Variants in SPAG16 observed in about 807,000 individuals in gnomAD.
SPAG16 encodes the protein sperm-associated antigen 16 protein.
Under a neutral mutation model 80.4 loss-of-function variants are expected in SPAG16, and 86 were observed. That is an observed-to-expected ratio of 1.07 (90% CI 0.90 to 1.28). The LOEUF (loss-of-function observed/expected upper bound fraction) is 1.28. Among genes scored for constraint, SPAG16 ranks in the 50% most tolerant of loss-of-function variants. SPAG16 has a pLI of 0.00. For missense variants in SPAG16, 870 were observed against 765.3 expected (o/e 1.14, Z -1.61); for synonymous variants, 294 against 265.9 (o/e 1.11, Z -1.03).
intron 15 of SPAG16, among the ~76,000 whole-genome samples, chr2:214,219,597 T>C (rs1355073714): frequency 6.6e-6 from 1 of 152,084 alleles, no homozygotes; most frequent in African/African-American, 2.4e-5. Context: ...AACAAGATAA[T>C]TTATTGAGTA....
chr2:213,399,919 A>T (rs1394414614), intron 9 of SPAG16, among the ~76,000 whole-genome samples: 1 of 152,054 alleles, frequency 6.6e-6, no homozygotes, highest in Non-Finnish European at 1.5e-5. Context: ...TTTTAAATTT[A>T]CTGGCTTAAA....
intron 11 of SPAG16, among the ~76,000 whole-genome samples, chr2:213,897,541 C>T (rs1264902963): frequency 6.6e-6 from 1 of 152,078 alleles, no homozygotes; most frequent in Non-Finnish European, 1.5e-5. Context: ...CTACATCCAC[C>T]CATATGCATT....
In SPAG16 at chr2:214,005,248, G is replaced by T. The variant is rs780360258; in HGVS notation, c.1401-8703G>T. ...CCATATTCTTTGCGAAAATGTTTCAGTTGACTATTTAACAAGGCTGAGTGA... is the reference window on the plus strand; with the variant it reads ...CCATATTCTTTGCGAAAATGTTTCATTTGACTATTTAACAAGGCTGAGTGA... On this transcript the variant is annotated intron_variant, in intron 12 of 15. Transcript: ENST00000331683. 2.7e-4 allele frequency among the ~76,000 whole-genome samples: 41 copies of T among 152,122 alleles called. No individual in the cohort carries two copies. The South Asian group carries it at 2.9e-3, about 11-fold the overall frequency.
chr2:213,590,615 A>T (rs2060652048), intron 10 of SPAG16, among the ~76,000 whole-genome samples: 1 of 152,186 alleles, frequency 6.6e-6, no homozygotes, highest in African/African-American at 2.4e-5. Context: ...ATCTCATACA[A>T]GTTAAGATGG....
chr2:213,318,948 C>G (rs1056598103), intron 5 of SPAG16, among the ~76,000 whole-genome samples: 1 of 151,910 alleles, frequency 6.6e-6, no homozygotes, highest in African/African-American at 2.4e-5. Context: ...GAAGCCAGAT[C>G]TCTCCACACC....
intron 13 of SPAG16, among the ~76,000 whole-genome samples, chr2:214,060,857 TAAAACTAGAATTAA>T (rs1365130454): frequency 6.6e-6 from 1 of 152,090 alleles, no homozygotes; most frequent in Non-Finnish European, 1.5e-5. Flanking sequence ...AAATATATTA[TAAAACTAGAATTAA>T]AATATGATGT....
intron 14 of SPAG16, among the ~76,000 whole-genome samples, chr2:214,119,869 C>T (rs2054128251): frequency 1.3e-5 from 2 of 151,786 alleles, no homozygotes; most frequent in South Asian, 2.1e-4. Flanking sequence ...CTGTTATTTC[C>T]TCTGTCACTA....
intron 10 of SPAG16, among the ~76,000 whole-genome samples, chr2:213,848,712 C>G (rs868505986): frequency 1.3e-5 from 2 of 152,126 alleles, no homozygotes; most frequent in Non-Finnish European, 2.9e-5. Flanking sequence ...ATCCCTATAT[C>G]CTTTCTCCCA....
At chr2:213,449,806 A>C (rs1487548986) in intron 9 of SPAG16, among the ~76,000 whole-genome samples, 2 of 148,304 alleles carry the variant, frequency 1.3e-5, no homozygotes, top group East Asian at 4.0e-4. Flanking sequence ...TTGAAAAATA[A>C]AAATAAAATA....
chr2:213,758,896 A>C (rs763996403), intron 10 of SPAG16, among the ~76,000 whole-genome samples: 37 of 152,242 alleles, frequency 2.4e-4, no homozygotes, highest in Non-Finnish European at 4.1e-4. Flanking sequence ...AGACAAAGAT[A>C]GAATCTTAAA....
intron 13 of SPAG16, among the ~76,000 whole-genome samples, chr2:214,067,471 A>T (rs562649838): frequency 6.6e-6 from 1 of 152,132 alleles, no homozygotes; most frequent in Admixed American, 6.6e-5. Context: ...TAAAGCCAAA[A>T]TATGTGGGAC....
chr2:214,394,711 C>A (rs1249861824), intron 15 of SPAG16, among the ~76,000 whole-genome samples: 2 of 152,200 alleles, frequency 1.3e-5, no homozygotes, highest in Non-Finnish European at 2.9e-5. Context: ...ACATGTGTTA[C>A]ACCTGATGAA....
At chr2:214,079,519 A>G (rs2051255549) in intron 13 of SPAG16, among the ~76,000 whole-genome samples, 1 of 152,220 alleles carries the variant, frequency 6.6e-6, no homozygotes, top group African/African-American at 2.4e-5. Context: ...TTTGGATTCC[A>G]GAGAAGGCAT....
chr2:213,704,833 C>T (rs1204214438), intron 10 of SPAG16, among the ~76,000 whole-genome samples: 1 of 152,040 alleles, frequency 6.6e-6, no homozygotes, highest in African/African-American at 2.4e-5. Flanking sequence ...AAAAAGGTGA[C>T]TCTATTTGTA....
intron 10 of SPAG16, among the ~76,000 whole-genome samples, chr2:213,600,020 A>G (rs2061009334): frequency 6.6e-6 from 1 of 152,168 alleles, no homozygotes; most frequent in Non-Finnish European, 1.5e-5. Context: ...CAAAGGTTGT[A>G]TGCAGATTTT....
chr2:213,891,434 T>C (rs961589048), intron 11 of SPAG16, among the ~76,000 whole-genome samples: 19 of 152,104 alleles, frequency 1.2e-4, no homozygotes, highest in African/African-American at 4.6e-4. Context: ...GTAGATACAA[T>C]CATTCTGAGG....
intron 9 of SPAG16, among the ~76,000 whole-genome samples, chr2:213,429,722 G>A (rs2070170562): frequency 6.6e-6 from 1 of 152,094 alleles, no homozygotes; most frequent in Non-Finnish European, 1.5e-5. Flanking sequence ...ACCACCCTAA[G>A]GCTATTTATA....
At chr2:213,368,236 T>C (rs2066426840) in intron 8 of SPAG16, among the ~76,000 whole-genome samples, 1 of 152,222 alleles carries the variant, frequency 6.6e-6, no homozygotes, top group Non-Finnish European at 1.5e-5. Flanking sequence ...CCTCCAGCTT[T>C]GTTCTTTTTG....
chr2:213,498,118 C>T (rs550366641), intron 10 of SPAG16, among the ~76,000 whole-genome samples: 46 of 152,090 alleles, frequency 3.0e-4, no homozygotes, highest in Non-Finnish European at 5.1e-4. Flanking sequence ...CACATGTATT[C>T]ATTATTCTGT....
Sources: gnomAD v4.1 joint callset for allele counts (sites outside exome capture counted in the v4.1 genomes callset) on GRCh38, gnomAD v4.1.1 for gene constraint, MANE v1.5 for transcripts, NCBI Gene and HGNC (gene_info 2026-07-23, HGNC 2026-07-21) for gene names.